RHD: variants seen among roughly 807,000 people sequenced by gnomAD.
RHD encodes Rh blood group D antigen, also known as blood group Rh(D) polypeptide.
A neutral mutation model predicts 45.5 loss-of-function variants in RHD; 16 were observed. That is an observed-to-expected ratio of 0.35 (90% CI 0.24 to 0.53). The LOEUF (loss-of-function observed/expected upper bound fraction) is 0.53, where lower values mean the gene tolerates loss of function less well. Among genes scored for constraint, RHD ranks in the 20% least tolerant of loss-of-function variants. The pLI is 0.92. For missense variants in RHD, 306 were observed against 532.0 expected (o/e 0.58, Z 4.18); for synonymous variants, 131 against 217.5 (o/e 0.60, Z 3.50).
chr1:25,313,546 G>A (rs1644276513), intron 7 of RHD, among the ~76,000 whole-genome samples: 1 of 131,934 alleles, frequency 7.6e-6, no homozygotes, highest in Admixed American at 7.4e-5. Context: ...TTATAAAGGT[G>A]ACTGAGTGGC....
rs751933696 is a variant in RHD, at chr1:25,290,660, AGTGCTTTGTCG to A, written c.361_371del (p.Leu121AspfsTer35). On this transcript the variant is annotated frameshift_variant, in exon 3 of 10. Transcript: ENST00000328664. LOFTEE classifies it high-confidence loss of function. ...CCCCAGTATTCGGCTGGCCACCATG[AGTGCTTTGTCG>A]GTGCTGATCTCAGTGGATGCTGTCT... is the stretch of plus-strand genomic sequence containing the variant. The A allele has an allele frequency of 2.0e-5, 27 of 1,377,762 alleles. 8 individuals carry two copies. The highest frequency in any genetic ancestry group is 1.8e-4 in the Admixed American group (10 of 55,898). The allele number at this position is 1,377,762 out of a possible 1,614,324, so 85.3% of individuals were successfully genotyped here.
At chr1:25,316,325 G>T (rs1644435468) in intron 7 of RHD, among the ~76,000 whole-genome samples, 1 of 129,272 alleles carries the variant, frequency 7.7e-6, no homozygotes, top group Non-Finnish European at 1.8e-5. Flanking sequence ...TGCCTAACGA[G>T]AAAACTGGGG....
chr1:25,320,190 G>C (rs1428289072), intron 8 of RHD, among the ~76,000 whole-genome samples: 1 of 131,890 alleles, frequency 7.6e-6, no homozygotes, highest in South Asian at 2.3e-4. Context: ...AAGCCACTGC[G>C]ACCGGCCGAC....
chr1:25,316,422 T>A (rs1644439740), intron 7 of RHD, among the ~76,000 whole-genome samples: 1 of 127,320 alleles, frequency 7.9e-6, no homozygotes, highest in African/African-American at 2.7e-5. Context: ...GAGTTCGAGA[T>A]CACCCTGGTC....
At chr1:25,316,613 A>T (rs1332109039) in intron 7 of RHD, among the ~76,000 whole-genome samples, 1,356 of 104,516 alleles carry the variant, frequency 0.013, 134 homozygotes, top group African/African-American at 0.04. Flanking sequence ...TCACAAACAA[A>T]AACAGAAAAA....
chr1:25,277,045 C>A (rs1434197352), intron 1 of RHD, among the ~76,000 whole-genome samples: 2 of 131,486 alleles, frequency 1.5e-5, no homozygotes, highest in African/African-American at 5.2e-5. Context: ...CCAGCCTGGG[C>A]AACAGAGCGA....
At position 25,314,060 on chromosome 1, in the gene RHD, T is replaced by C. The variant is rs1644301240; in HGVS notation, c.1074-2940T>C. Among the ~76,000 whole-genome samples, 3 of 132,984 alleles carry C rather than the reference T, an allele frequency of 2.3e-5. 1 individual carries two copies. The South Asian group carries it at 6.9e-4, about 30-fold the overall frequency. 87.2% of individuals were successfully genotyped at this position (132,984 alleles called of 152,430 possible). A position where few individuals can be genotyped will look rare whatever the true frequency, so the allele number is the denominator to read the frequency against. On this transcript the variant is annotated intron_variant, in intron 7 of 9. Transcript: ENST00000328664. The stretch of plus-strand genomic sequence containing the variant: ...GCTCCTATGAACATTCTAGCACTTT[T>C]ATTTTTGGAGCACACGAATGCACTT...
In RHD at chr1:25,277,696, G is replaced by A. The variant is rs1641131593; in HGVS notation, c.148+5001G>A. 1.6e-5 allele frequency among the ~76,000 whole-genome samples: 2 copies of A among 127,176 alleles called. 1 individual carries two copies. Among genetic ancestry groups the A allele is most frequent in the African/African-American group, 5.4e-5 (2 of 37,324 alleles). 83.4% of individuals were successfully genotyped at this position (127,176 alleles called of 152,430 possible). Reference sequence around the variant, plus strand: ...TTATTATCAAAAGCTTTTTTTTTGAGACAGAGTTTTGCTCTTATTGCCCAG... The same window carrying A: ...TTATTATCAAAAGCTTTTTTTTTGAAACAGAGTTTTGCTCTTATTGCCCAG... On this transcript the variant is annotated intron_variant, in intron 1 of 9. Coordinates refer to ENST00000328664, the MANE Select transcript of RHD (RefSeq NM_016124.6).
intron 7 of RHD, among the ~76,000 whole-genome samples, chr1:25,311,242 T>G (rs1220701671): frequency 1.5e-5 from 2 of 132,714 alleles, no homozygotes; most frequent in Non-Finnish European, 3.6e-5. Context: ...GAACTTTTTC[T>G]GTGCCAGAGT....
rs1030886791 is a variant in RHD at position 25,306,434 on chromosome 1, C to T, written c.940-162C>T. 3.8e-5 allele frequency among the ~76,000 whole-genome samples: 5 copies of T among 131,802 alleles called. 2 individuals are homozygous for T. Among genetic ancestry groups the T allele is most frequent in the African/African-American group, 1.3e-4 (5 of 38,226 alleles). 86.5% of individuals were successfully genotyped at this position (131,802 alleles called of 152,430 possible). A position where few individuals can be genotyped will look rare whatever the true frequency, so the allele number is the denominator to read the frequency against. The stretch of plus-strand genomic sequence containing the variant: ...CAGCTCTTCATTTCAACAAACTCCC[C>T]GATGATGTGAGTGCACATTCAAGTC... On this transcript the variant is annotated intron_variant, in intron 6 of 9. Transcript: ENST00000328664.
rs144969459 is a variant in RHD, at chr1:25,272,555, C to G, written c.8C>G (p.Ser3Cys). Residue 3 changes from serine (S) to cysteine (C), a missense_variant, in exon 1 of 10, where the codon TCT becomes TGT. By Grantham distance (112) the Ser-to-Cys change is moderately radical (BLOSUM62 -1). Transcript: ENST00000328664. The stretch of plus-strand genomic sequence containing the variant: ...CACAGAGACGGACACAGGATGAGCT[C>G]TAAGTACCCGCGGTCTGTCCGGCGC... MS[S>C]KYPRSVRRCL... 3,382 of 1,580,630 alleles carry G rather than the reference C, an allele frequency of 2.1e-3. 143 individuals are homozygous for G. Among genetic ancestry groups the G allele is most frequent in the Non-Finnish European group, 1.2e-3 (1,381 of 1,156,394 alleles).
rs376963872 is a variant in RHD, at chr1:25,286,508, C to T, written c.335+1749C>T. ...TGTCTCAAAAAACAGTTTTAGGGGC[C>T]GGGCGCAGTGGTTCATGCCTGTAAT... On this transcript the variant is annotated intron_variant, in intron 2 of 9. Coordinates refer to ENST00000328664, the MANE Select transcript of RHD (RefSeq NM_016124.6). Among the ~76,000 whole-genome samples the T allele has an allele frequency of 1.0e-4, 14 of 134,706 alleles. No individual in the cohort carries two copies. The South Asian group carries it at 2.2e-3, about 21-fold the overall frequency. The allele number at this position is 134,706 out of a possible 152,430, so 88.4% of individuals were successfully genotyped here. A position where few individuals can be genotyped will look rare whatever the true frequency, so the allele number is the denominator to read the frequency against.
rs201074559 is a variant in RHD, at chr1:25,306,547, G to A, written c.940-49G>A. 1.6e-3 allele frequency: 2,238 copies of A among 1,364,450 alleles called. 621 individuals are homozygous for A. Among genetic ancestry groups the A allele is most frequent in the Non-Finnish European group, 2.2e-3 (2,139 of 967,954 alleles). The allele number at this position is 1,364,450 out of a possible 1,614,324, so 84.5% of individuals were successfully genotyped here. On this transcript the variant is annotated intron_variant, in intron 6 of 9. Transcript: ENST00000328664. Reference sequence around the variant, plus strand: ...AGGGTGTGTGAAAGGGGTGGGTAGGGAATATGGGTCTCACCTGCCAATCTG... The same window carrying A: ...AGGGTGTGTGAAAGGGGTGGGTAGGAAATATGGGTCTCACCTGCCAATCTG...
chr1:25,315,742 C>G (rs1199704542), intron 7 of RHD, among the ~76,000 whole-genome samples: 1 of 129,856 alleles, frequency 7.7e-6, no homozygotes, highest in Non-Finnish European at 1.8e-5. Flanking sequence ...ATGATCTGCC[C>G]GCCTCGGCCT....
Position 25,294,606 on chromosome 1 carries a change from G to A in RHD, c.486+3815G>A, listed in dbSNP as rs376152390. On this transcript the variant is annotated intron_variant, in intron 3 of 9. Coordinates refer to ENST00000328664, the MANE Select transcript of RHD (RefSeq NM_016124.6). ...CAGCAACAGAGCTCGGCCTCCTTGGGCACCGCAAACGGCACTCAGCCTCCA... is the reference window on the plus strand; with the variant it reads ...CAGCAACAGAGCTCGGCCTCCTTGGACACCGCAAACGGCACTCAGCCTCCA... The A allele has an allele frequency of 4.5e-3, 4,396 of 977,606 alleles. 576 individuals are homozygous for A. In the African/African-American group the frequency reaches 0.062, roughly 14 times the overall value. 60.6% of individuals were successfully genotyped at this position (977,606 alleles called of 1,614,324 possible).
At chr1:25,274,474 A>G (rs1369294214) in intron 1 of RHD, among the ~76,000 whole-genome samples, 1 of 132,340 alleles carries the variant, frequency 7.6e-6, no homozygotes, top group African/African-American at 2.6e-5. Context: ...TAGGTACAAA[A>G]TGTCCTCAGA....
intron 8 of RHD, among the ~76,000 whole-genome samples, chr1:25,318,609 C>A (rs1644537178): frequency 1.5e-5 from 2 of 131,570 alleles, no homozygotes; most frequent in Admixed American, 7.4e-5. Flanking sequence ...AGAAAATATA[C>A]ATTCCATCCA....
Position 25,319,085 on chromosome 1 carries a change from T to C in RHD, c.1153+2006T>C, listed in dbSNP as rs1354046589. 2.3e-5 allele frequency among the ~76,000 whole-genome samples: 3 copies of C among 132,366 alleles called. 1 individual carries two copies. The highest frequency in any genetic ancestry group is 7.7e-5 in the African/African-American group (3 of 38,848). 86.8% of individuals were successfully genotyped at this position (132,366 alleles called of 152,430 possible). A position where few individuals can be genotyped will look rare whatever the true frequency, so the allele number is the denominator to read the frequency against. On this transcript the variant is annotated intron_variant, in intron 8 of 9. Transcript: ENST00000328664. ...TGTCTGTTTTTAAATTTGAAATGAA[T>C]TGGGTATCCTGCATTTTATTTGGCA...
At position 25,288,334 on chromosome 1, in the gene RHD, A is replaced by G. The variant is rs397834931; in HGVS notation, c.336-2307A>G. On this transcript the variant is annotated intron_variant, in intron 2 of 9. Coordinates refer to ENST00000328664, the MANE Select transcript of RHD (RefSeq NM_016124.6). ...TGAGACCACAGGCACACACCACCAC[A>G]CCTAGCTTTTTTTTTTTTTGCTTTT... Among the ~76,000 whole-genome samples, 17 of 115,144 alleles carry G rather than the reference A, an allele frequency of 1.5e-4. 5 individuals carry two copies. The highest frequency in any genetic ancestry group is 8.5e-4 in the East Asian group (4 of 4,720). The allele number at this position is 115,144 out of a possible 152,430, so 75.5% of individuals were successfully genotyped here.
Sources: allele counts gnomAD v4.1 joint callset (sites outside exome capture counted in the v4.1 genomes callset), GRCh38; gene constraint gnomAD v4.1.1; transcripts MANE v1.5; gene names NCBI Gene and HGNC (gene_info 2026-07-23, HGNC 2026-07-21).